The following CTNNA3 variants were observed in gnomAD, a reference collection of about 807,000 sequenced individuals.
CTNNA3 encodes the protein catenin alpha-3.
CTNNA3 carries 76 observed loss-of-function variants against 95.7 expected under a neutral mutation model. The observed-to-expected ratio is 0.79, with a 90% confidence interval of 0.66 to 0.96. The LOEUF (loss-of-function observed/expected upper bound fraction) is 0.96. Among genes scored for constraint, CTNNA3 ranks in the 40% least tolerant of loss-of-function variants. The probability of loss-of-function intolerance (pLI) is 0.00; values close to 1 mark genes in which losing one functional copy is unlikely to be tolerated. For synonymous variants in CTNNA3, 431 were observed against 374.4 expected (o/e 1.15, Z -1.74); for missense variants, 1,191 against 1,089.8 (o/e 1.09, Z -1.31).
intron 17 of CTNNA3, among the ~76,000 whole-genome samples, chr10:65,953,735 A>T (rs1589167475): frequency 6.6e-6 from 1 of 152,196 alleles, no homozygotes; most frequent in South Asian, 2.1e-4. Flanking sequence ...TTATGGCTGC[A>T]TAGTATTCCA....
At chr10:66,780,251 G>A (rs901764956) in intron 7 of CTNNA3, among the ~76,000 whole-genome samples, 5 of 151,994 alleles carry the variant, frequency 3.3e-5, no homozygotes, top group Admixed American at 6.6e-5. Flanking sequence ...ATATCAAACC[G>A]GCTGTGGAGT....
chr10:67,309,275 A>T (rs1049490335), intron 5 of CTNNA3, among the ~76,000 whole-genome samples: 8 of 152,134 alleles, frequency 5.3e-5, no homozygotes, highest in African/African-American at 1.9e-4. Context: ...TTTACCAAGT[A>T]AAAAAATTAT....
chr10:67,725,158 A>C (rs1002064660), intron 1 of CTNNA3, among the ~76,000 whole-genome samples: 1 of 151,342 alleles, frequency 6.6e-6, no homozygotes, highest in Non-Finnish European at 1.5e-5. Context: ...ACTTATATAT[A>C]GTATTAATTT....
At chr10:66,149,842 T>A (rs2084099510) in intron 13 of CTNNA3, among the ~76,000 whole-genome samples, 1 of 152,066 alleles carries the variant, frequency 6.6e-6, no homozygotes, top group African/African-American at 2.4e-5. Context: ...ATCTCATTAT[T>A]ATAGCAAAAA....
chr10:67,406,469 T>A (rs1845141478), intron 5 of CTNNA3, among the ~76,000 whole-genome samples: 1 of 151,988 alleles, frequency 6.6e-6, no homozygotes, highest in South Asian at 2.1e-4. Context: ...ATCAAAATGT[T>A]AAAAAGATCT....
At chr10:66,966,795 C>A (rs1849439158) in intron 7 of CTNNA3, among the ~76,000 whole-genome samples, 1 of 151,890 alleles carries the variant, frequency 6.6e-6, no homozygotes, top group Admixed American at 6.6e-5. Flanking sequence ...TGGAAAAAAA[C>A]AACATGAATC....
chr10:67,226,839 C>CA (rs1198624285), intron 5 of CTNNA3, among the ~76,000 whole-genome samples: 1 of 152,016 alleles, frequency 6.6e-6, no homozygotes, highest in Non-Finnish European at 1.5e-5. Flanking sequence ...AACAAAAAAC[C>CA]AAAGTACATA....
At position 65,965,105 on chromosome 10, in the gene CTNNA3, A is replaced by G. The variant is rs184253821; in HGVS notation, c.2400+1507T>C. Reference sequence around the variant, plus strand: ...AGACACTATTTTTCCCCCTCTAACAACCACTGGAATAAAAAGCTAGAATGC... The same window carrying G: ...AGACACTATTTTTCCCCCTCTAACAGCCACTGGAATAAAAAGCTAGAATGC... On this transcript the variant is annotated intron_variant, in intron 17 of 17. Transcript: ENST00000433211. Among the ~76,000 whole-genome samples, 293 of 152,276 alleles carry G rather than the reference A, an allele frequency of 1.9e-3. 2 individuals carry two copies. The highest frequency in any genetic ancestry group is 6.9e-3 in the African/African-American group (287 of 41,560).
intron 12 of CTNNA3, among the ~76,000 whole-genome samples, chr10:66,347,089 T>C (rs1301126276): frequency 2.0e-5 from 3 of 152,086 alleles, no homozygotes; most frequent in Non-Finnish European, 2.9e-5. Flanking sequence ...TCTTTGTCTA[T>C]AGATAGAGAT....
At chr10:66,500,129 T>C (rs1035573282) in intron 11 of CTNNA3, among the ~76,000 whole-genome samples, 3 of 152,194 alleles carry the variant, frequency 2.0e-5, no homozygotes, top group East Asian at 3.9e-4. Flanking sequence ...GAAAAAAAGA[T>C]TTTAAAAGCC....
At chr10:67,400,211 G>C (rs907665563) in intron 5 of CTNNA3, among the ~76,000 whole-genome samples, 1 of 151,968 alleles carries the variant, frequency 6.6e-6, no homozygotes. Flanking sequence ...ATGCCAATAA[G>C]AATTTTACTC....
intron 12 of CTNNA3, among the ~76,000 whole-genome samples, chr10:66,312,841 G>A (rs760304644): frequency 2.6e-5 from 4 of 152,064 alleles, no homozygotes; most frequent in African/African-American, 7.2e-5. Flanking sequence ...TACAATGCCC[G>A]GTGGGATTGC....
At chr10:65,973,303 T>A (rs909393241) in intron 16 of CTNNA3, among the ~76,000 whole-genome samples, 43 of 152,148 alleles carry the variant, frequency 2.8e-4, no homozygotes, top group African/African-American at 9.4e-4. Flanking sequence ...AAAGACATTA[T>A]AACTAAATTC....
At chr10:66,924,554 G>T (rs1424403687) in intron 7 of CTNNA3, among the ~76,000 whole-genome samples, 2 of 152,212 alleles carry the variant, frequency 1.3e-5, no homozygotes, top group Non-Finnish European at 2.9e-5. Flanking sequence ...CATAAAGGAA[G>T]TTATCTCATC....
intron 13 of CTNNA3, among the ~76,000 whole-genome samples, chr10:66,228,229 C>G (rs1043857851): frequency 2.6e-5 from 4 of 151,742 alleles, no homozygotes; most frequent in African/African-American, 7.3e-5. Flanking sequence ...TTGGTTTGTT[C>G]TTGCTTTTCT....
chr10:66,320,122 A>G (rs570638127), intron 12 of CTNNA3, among the ~76,000 whole-genome samples: 24 of 152,124 alleles, frequency 1.6e-4, no homozygotes, highest in African/African-American at 5.5e-4. Context: ...CTCGCACCTG[A>G]TATATAAGTC....
At chr10:67,427,461 A>C (rs1260192560) in intron 5 of CTNNA3, among the ~76,000 whole-genome samples, 1 of 152,032 alleles carries the variant, frequency 6.6e-6, no homozygotes, top group East Asian at 1.9e-4. Flanking sequence ...CCTTAAACAA[A>C]ATTATGTCAT....
At chr10:66,464,646 C>A (rs1378463315) in intron 11 of CTNNA3, among the ~76,000 whole-genome samples, 1 of 151,854 alleles carries the variant, frequency 6.6e-6, no homozygotes, top group Non-Finnish European at 1.5e-5. Flanking sequence ...GCCTGTAATT[C>A]CAGCTACTTG....
chr10:67,667,960 TC>T (rs1241657421), intron 1 of CTNNA3, among the ~76,000 whole-genome samples: 1 of 152,188 alleles, frequency 6.6e-6, no homozygotes, highest in Non-Finnish European at 1.5e-5. Flanking sequence ...AATTTGCTTA[TC>T]CTTTTTGCCA....
Sources: gnomAD v4.1 joint callset for allele counts (sites outside exome capture counted in the v4.1 genomes callset) on GRCh38, gnomAD v4.1.1 for gene constraint, MANE v1.5 for transcripts, NCBI Gene and HGNC (gene_info 2026-07-23, HGNC 2026-07-21) for gene names.